TG: variants seen among roughly 807,000 people sequenced by gnomAD.
The protein encoded by TG is thyroglobulin.
A neutral mutation model predicts 324.7 loss-of-function variants in TG; 270 were observed. The ratio of observed to expected loss-of-function variants is 0.83; its 90% CI spans 0.75 to 0.92. TG has a LOEUF of 0.92. TG is among the 40% of genes least tolerant of loss of function. The probability of loss-of-function intolerance (pLI) is 0.00; values close to 1 mark genes in which losing one functional copy is unlikely to be tolerated. For missense variants in TG, 3,591 were observed against 3,456.4 expected, an observed-to-expected ratio of 1.04 and a Z score of -0.98; for synonymous variants, 1,401 against 1,327.0, an observed-to-expected ratio of 1.06 and a Z score of -1.21.
chr8:133,033,404 C>G (rs541671493), intron 41 of TG, among the ~76,000 whole-genome samples: 4 of 152,250 alleles, frequency 2.6e-5, no homozygotes, highest in Non-Finnish European at 5.9e-5. Flanking sequence ...GTGGCTGTGT[C>G]CCTGCACAGT....
At chr8:133,052,099 G>GC (rs1840512789) in intron 41 of TG, among the ~76,000 whole-genome samples, 1 of 152,144 alleles carries the variant, frequency 6.6e-6, no homozygotes, top group African/African-American at 2.4e-5. Context: ...GCCCAAACAA[G>GC]CCACTTTCTA....
intron 23 of TG, among the ~76,000 whole-genome samples, chr8:132,932,797 A>G (rs532962222): frequency 5.3e-5 from 8 of 152,332 alleles, no homozygotes; most frequent in African/African-American, 1.2e-4. Context: ...CTATCATTCA[A>G]TCCCTTGCAG....
chr8:132,986,394 G>GTA (rs1412621666), intron 35 of TG, among the ~76,000 whole-genome samples: 7 of 108,512 alleles, frequency 6.5e-5, no homozygotes, highest in Non-Finnish European at 1.4e-4. Flanking sequence ...GTATATATGT[G>GTA]TATATATATG....
At chr8:132,998,743 A>G (rs925316650) in intron 35 of TG, among the ~76,000 whole-genome samples, 1 of 152,188 alleles carries the variant, frequency 6.6e-6, no homozygotes, top group Non-Finnish European at 1.5e-5. Context: ...AGCTTAGGAA[A>G]ACTACAATTT....
intron 47 of TG, 89 bp downstream of exon 47, chr8:133,133,749 A>C (rs1852129898): frequency 1.4e-6 from 2 of 1,465,642 alleles, no homozygotes; most frequent in Non-Finnish European, 1.9e-6. Context: ...CTGCGCGCGC[A>C]TTGGAGCCAA....
intron 26 of TG, among the ~76,000 whole-genome samples, chr8:132,943,468 G>A (rs1422054370): frequency 6.6e-6 from 1 of 151,932 alleles, no homozygotes; most frequent in East Asian, 1.9e-4. Context: ...TAAATTACCC[G>A]GCCTCAGGTA....
intron 35 of TG, among the ~76,000 whole-genome samples, chr8:133,003,986 A>T (rs1294169428): frequency 6.6e-6 from 1 of 152,238 alleles, no homozygotes; most frequent in Non-Finnish European, 1.5e-5. Context: ...AAGTACCATT[A>T]GATGGAACCA....
At chr8:132,883,032 C>G (rs1346650394) in intron 8 of TG, 33 bp downstream of exon 8, 1 of 1,606,386 alleles carries the variant, frequency 6.2e-7, no homozygotes, top group Admixed American at 1.7e-5. Flanking sequence ...CTCTTTCGGC[C>G]TCGGATCATA....
At chr8:133,112,771 T>C (rs1008813019) in intron 43 of TG, among the ~76,000 whole-genome samples, 1 of 152,150 alleles carries the variant, frequency 6.6e-6, no homozygotes. Context: ...TATATGGCCT[T>C]ATATTTCTTT....
chr8:133,038,462 A>G (rs1837485406), intron 41 of TG: 19 of 1,351,072 alleles, frequency 1.4e-5, no homozygotes, highest in Middle Eastern at 3.6e-4. Context: ...TTTTCGCAAG[A>G]TCCCAGGCAA....
At chr8:133,063,031 C>T (rs1414622658) in intron 41 of TG, among the ~76,000 whole-genome samples, 2 of 152,234 alleles carry the variant, frequency 1.3e-5, no homozygotes, top group Non-Finnish European at 2.9e-5. Context: ...TCTATCATCA[C>T]CGAGGCCTTT....
At chr8:132,942,170 C>A (rs1413642705) in intron 26 of TG, among the ~76,000 whole-genome samples, 3 of 152,218 alleles carry the variant, frequency 2.0e-5, no homozygotes, top group Non-Finnish European at 4.4e-5. Flanking sequence ...GACCTGGGTT[C>A]TAGTCACTGC....
rs751930232 is a variant in TG, at chr8:132,868,185, A to C, written c.138A>C (p.Ala46=). Residue 46 remains alanine, a synonymous_variant, in exon 2 of 48, where the codon GCA becomes GCC. Coordinates refer to ENST00000220616, the MANE Select transcript of TG (RefSeq NM_003235.5). ...LQRETAFLKQ[A]DYVPQCAEDG... ...GGGAAACGGCCTTTCTGAAGCAAGC[A>C]GACTACGTGCCCCAGTGTGCAGAGG... 3 of 1,614,060 alleles carry C rather than the reference A, an allele frequency of 1.9e-6. No individual in the cohort carries two copies. The highest frequency in any genetic ancestry group is 1.3e-5 in the African/African-American group (1 of 74,924).
At chr8:132,963,316 G>A (rs1828038510) in intron 29 of TG, among the ~76,000 whole-genome samples, 1 of 152,126 alleles carries the variant, frequency 6.6e-6, no homozygotes, top group African/African-American at 2.4e-5. Context: ...TGGAAATGAA[G>A]ACAACCATAA....
chr8:133,018,322 C>G (rs542732184), intron 38 of TG, among the ~76,000 whole-genome samples: 10 of 152,174 alleles, frequency 6.6e-5, no homozygotes, highest in African/African-American at 2.2e-4. Flanking sequence ...GGACATTGAT[C>G]CAGGAAGAGA....
chr8:133,040,012 C>T, intron 41 of TG: 1 of 1,551,656 alleles, frequency 6.4e-7, no homozygotes, highest in Non-Finnish European at 8.7e-7. Context: ...ACACTCTCCT[C>T]CAGTCCACAG....
intron 12 of TG, 77 bp downstream of exon 12, chr8:132,897,863 A>G: frequency 6.4e-7 from 1 of 1,559,364 alleles, no homozygotes; most frequent in Non-Finnish European, 8.8e-7. Flanking sequence ...CCACACTGGG[A>G]GGCAAGTGAG....
chr8:132,966,704 A>G lies in TG; in HGVS notation c.5686+7A>G, dbSNP rs548351987. On this transcript the variant is annotated splice_region_variant and intron_variant, in intron 30 of 47. Transcript: ENST00000220616. ...AACCTATGGTGCCTTTCTCGTAAGT[A>G]TCCTTAGAACTCATTCTTCTTCTTC... The G allele has an allele frequency of 1.2e-6, 2 of 1,613,938 alleles. No homozygotes were observed. The highest frequency in any genetic ancestry group is 1.7e-6 in the Non-Finnish European group (2 of 1,179,954).
chr8:133,070,032 A>T (rs1447126095), intron 41 of TG, among the ~76,000 whole-genome samples: 1 of 146,454 alleles, frequency 6.8e-6, no homozygotes, highest in Non-Finnish European at 1.5e-5. Flanking sequence ...AAAAAGAAAG[A>T]AAGAAAGAAA....
Sources: gnomAD v4.1 joint callset for allele counts (sites outside exome capture counted in the v4.1 genomes callset) on GRCh38, gnomAD v4.1.1 for gene constraint, MANE v1.5 for transcripts, NCBI Gene and HGNC (gene_info 2026-07-23, HGNC 2026-07-21) for gene names.